The following CHD1L variants were observed in gnomAD, a reference collection of about 807,000 sequenced individuals.
CHD1L encodes the protein ATP-dependent chromatin remodeler CHD1L.
Under a neutral mutation model 115.9 loss-of-function variants are expected in CHD1L, and 118 were observed. That is an observed-to-expected ratio of 1.02 (90% confidence interval 0.88 to 1.19). The LOEUF is 1.19. Among genes scored for constraint, CHD1L ranks in the 50% most tolerant of loss-of-function variants. The pLI is 0.00. For synonymous variants in CHD1L, 411 were observed against 387.1 expected (o/e 1.06, Z -0.72); for missense variants, 1,179 against 1,065.3 (o/e 1.11, Z -1.49).
the CHD1L span, among the ~76,000 whole-genome samples, chr1:147,233,622 C>T: frequency 6.6e-6 from 1 of 152,210 alleles, no homozygotes; most frequent in Non-Finnish European, 1.5e-5. Context: ...GAGAACAGGC[C>T]ATGATGACAA....
chr1:147,184,725 A>C, the CHD1L span: 2 of 1,316,024 alleles, frequency 1.5e-6, no homozygotes, highest in Non-Finnish European at 9.8e-7. The surrounding 1 kb of genome is among the most constrained non-coding windows in gnomAD (Gnocchi z 4.4). Flanking sequence ...GTGACTTATT[A>C]CTGTTAGTGT....
intron 11 of CHD1L, chr1:147,271,217 C>A (rs781879268): frequency 2.4e-6 from 1 of 422,912 alleles, no homozygotes; most frequent in Non-Finnish European, 4.3e-6. Context: ...GAAATAAACA[C>A]CCACGTTCCC....
chr1:147,194,072 C>A, the CHD1L span, among the ~76,000 whole-genome samples: 13 of 152,226 alleles, frequency 8.5e-5, no homozygotes, highest in Non-Finnish European at 1.3e-4. Context: ...TGTTAACCTT[C>A]TGTCTCGTTG....
intron 10 of CHD1L, among the ~76,000 whole-genome samples, chr1:147,270,713 G>T (rs1553952282): frequency 6.6e-6 from 1 of 152,136 alleles, no homozygotes; most frequent in Non-Finnish European, 1.5e-5. Flanking sequence ...CTCCACTCTA[G>T]TTTGAGGATG....
chr1:147,264,450 C>A lies in CHD1L; in HGVS notation c.605C>A (p.Thr202Asn). The change falls in exon 7 of 23, where the codon ACC (threonine) becomes AAC (asparagine). Residue 202 changes from threonine (T) to asparagine (N), a missense_variant. Coordinates refer to ENST00000369258, the MANE Select transcript of CHD1L (RefSeq NM_004284.6). Reference sequence around the variant, plus strand: ...TCAGTAGTCTTCAGTCTCCTGTTGACCGGAACTCCCATCCAGAACAGCCTC... The same window carrying A: ...TCAGTAGTCTTCAGTCTCCTGTTGAACGGAACTCCCATCCAGAACAGCCTC... ...EFSVVFSLLL[T>N]GTPIQNSLQE... The A allele has an allele frequency of 6.2e-7, 1 of 1,612,518 alleles. No individual in the cohort carries two copies. Among genetic ancestry groups the A allele is most frequent in the Non-Finnish European group, 8.5e-7 (1 of 1,179,278 alleles).
At chr1:147,184,306 A>G in the CHD1L span, 1 of 499,914 alleles carries the variant, frequency 2.0e-6, no homozygotes, top group East Asian at 3.8e-5. The surrounding 1 kb of genome is among the most constrained non-coding windows in gnomAD (Gnocchi z 4.4). Flanking sequence ...ATTCTCATGT[A>G]CCCCACATCC....
intron 15 of CHD1L, among the ~76,000 whole-genome samples, chr1:147,283,545 G>T (rs1176048365): frequency 6.6e-6 from 1 of 152,082 alleles, no homozygotes; most frequent in Non-Finnish European, 1.5e-5. Context: ...CTGTAAAATG[G>T]TCCTATTAAT....
At chr1:147,257,190 G>T (rs1004852392) in intron 5 of CHD1L, among the ~76,000 whole-genome samples, 1 of 150,888 alleles carries the variant, frequency 6.6e-6, no homozygotes, top group South Asian at 2.1e-4. Context: ...TGTTGACAGG[G>T]TTTCATTCTC....
the CHD1L span, among the ~76,000 whole-genome samples, chr1:147,187,510 G>A: frequency 1.3e-5 from 2 of 152,144 alleles, no homozygotes; most frequent in African/African-American, 4.8e-5. Flanking sequence ...AAAGAGAGCT[G>A]TAATCGTTAG....
the CHD1L span, among the ~76,000 whole-genome samples, chr1:147,231,740 A>G: frequency 6.6e-6 from 1 of 151,964 alleles, no homozygotes; most frequent in Non-Finnish European, 1.5e-5. Context: ...CAGGCATGGG[A>G]TATAATCTCC....
At chr1:147,183,106 G>A in the CHD1L span, among the ~76,000 whole-genome samples, 1 of 152,202 alleles carries the variant, frequency 6.6e-6, no homozygotes, top group East Asian at 1.9e-4. Context: ...GCTGAGGCAG[G>A]AGAATGGCGT....
chr1:147,293,416 C>A (rs1686333573), intron 20 of CHD1L, among the ~76,000 whole-genome samples, 192 bp from the exon 21 acceptor site: 1 of 151,966 alleles, frequency 6.6e-6, no homozygotes, highest in African/African-American at 2.4e-5. Context: ...ATAAAGTGAC[C>A]ACAAAGTAAG....
intron 14 of CHD1L, among the ~76,000 whole-genome samples, chr1:147,279,431 G>A (rs587612186): frequency 6.6e-6 from 1 of 152,344 alleles, no homozygotes; most frequent in South Asian, 2.1e-4. Flanking sequence ...AAGCAGGATA[G>A]TGCAATGCCA....
the CHD1L span, chr1:147,176,178 T>C: frequency 1.3e-5 from 2 of 152,228 alleles, no homozygotes; most frequent in Non-Finnish European, 2.9e-5. Flanking sequence ...TACTCAACCA[T>C]TGGGTAAACT....
intron 15 of CHD1L, among the ~76,000 whole-genome samples, 159 bp from the exon 16 acceptor site, chr1:147,284,192 G>A (rs1043176544): frequency 2.0e-5 from 3 of 152,202 alleles, no homozygotes; most frequent in Non-Finnish European, 4.4e-5. Flanking sequence ...ACATTCTTCA[G>A]TGTCAGTGGG....
At chr1:147,270,537 G>A (rs1553952173) in intron 10 of CHD1L, among the ~76,000 whole-genome samples, 1 of 151,054 alleles carries the variant, frequency 6.6e-6, no homozygotes, top group Admixed American at 6.6e-5. Flanking sequence ...TTTTGTGTGT[G>A]TATTTGAATT....
chr1:147,244,904 T>G (rs587687270), intron 1 of CHD1L, among the ~76,000 whole-genome samples: 43 of 152,222 alleles, frequency 2.8e-4, no homozygotes, highest in African/African-American at 1.0e-3. Context: ...GAATAAAGAG[T>G]ATGCAAAATT....
At chr1:147,271,961 A>C (rs587702782) in intron 11 of CHD1L, among the ~76,000 whole-genome samples, 2 of 152,382 alleles carry the variant, frequency 1.3e-5, no homozygotes, top group Non-Finnish European at 1.5e-5. Context: ...TATTTAAAAA[A>C]TCCAGAGGAG....
chr1:147,239,860 A>G (rs868970458), upstream of CHD1L, among the ~76,000 whole-genome samples: 28 of 152,244 alleles, frequency 1.8e-4, no homozygotes, highest in African/African-American at 6.8e-4. Flanking sequence ...GCTTTAGCAG[A>G]TAAGTCTACT....
Sources: gnomAD v4.1 joint callset for allele counts (sites outside exome capture counted in the v4.1 genomes callset) on GRCh38, gnomAD v4.1.1 for gene constraint, Gnocchi (gnomAD v3.1) non-coding constraint, MANE v1.5 for transcripts, NCBI Gene and HGNC (gene_info 2026-07-23, HGNC 2026-07-21) for gene names.